Variants in BMPR1B observed in about 807,000 individuals in gnomAD.
The protein encoded by BMPR1B is bone morphogenetic protein receptor type 1B.
Under a neutral mutation model 59.1 loss-of-function variants are expected in BMPR1B, and 12 were observed. The observed-to-expected ratio is 0.20, with a 90% CI of 0.13 to 0.33. The LOEUF is 0.33. BMPR1B is among the 10% of genes least tolerant of loss of function. The pLI is 1.00. For missense variants in BMPR1B, 550 were observed against 610.9 expected (o/e 0.90, Z 1.05); for synonymous variants, 237 against 207.3 (o/e 1.14, Z -1.23).
chr4:94,951,484 C>T (rs563799497), intron 2 of BMPR1B, among the ~76,000 whole-genome samples: 5 of 152,000 alleles, frequency 3.3e-5, no homozygotes, highest in South Asian at 2.1e-4. Flanking sequence ...TAGCATGAAG[C>T]GCTGTTGAAT....
At chr4:94,958,934 T>C (rs1020694654) in intron 2 of BMPR1B, among the ~76,000 whole-genome samples, 1 of 152,102 alleles carries the variant, frequency 6.6e-6, no homozygotes, top group Non-Finnish European at 1.5e-5. Context: ...TCAGGAGTTA[T>C]AAACAATGAT....
intron 6 of BMPR1B, among the ~76,000 whole-genome samples, chr4:95,121,303 A>G (rs753864999): frequency 6.6e-6 from 1 of 152,214 alleles, no homozygotes; most frequent in Non-Finnish European, 1.5e-5. Context: ...AAAACATCCT[A>G]TGCTCATGGA....
intron 1 of BMPR1B, among the ~76,000 whole-genome samples, chr4:94,759,826 A>G (rs1721690217): frequency 6.6e-6 from 1 of 152,232 alleles, no homozygotes; most frequent in Non-Finnish European, 1.5e-5. Context: ...GTGCAATGCA[A>G]AAAAGTTTGT....
chr4:94,975,694 T>C (rs1163021390), intron 2 of BMPR1B, among the ~76,000 whole-genome samples: 3 of 152,174 alleles, frequency 2.0e-5, no homozygotes, highest in African/African-American at 7.2e-5. Flanking sequence ...ATCATGGTAT[T>C]AAAAAGAAGA....
rs558356791 is a variant in BMPR1B at position 95,140,249 on chromosome 4, C to T, written c.1077-8499C>T. Among the ~76,000 whole-genome samples, 15 of 152,244 alleles carry T rather than the reference C, an allele frequency of 9.9e-5. No homozygotes were observed. The South Asian group carries it at 3.1e-3, about 32-fold the overall frequency. ...TCAGATTTGCGTTTCTAGTGCCTTT[C>T]CCTGGTGCTCATTACTTAACTTTTA... is the stretch of plus-strand genomic sequence containing the variant. On this transcript the variant is annotated intron_variant, in intron 10 of 12. Coordinates refer to ENST00000515059, the MANE Select transcript of BMPR1B (RefSeq NM_001203.3).
chr4:94,922,119 T>A (rs1280199513), intron 2 of BMPR1B, among the ~76,000 whole-genome samples: 1 of 152,078 alleles, frequency 6.6e-6, no homozygotes, highest in East Asian at 1.9e-4. Context: ...ATTACAGGCA[T>A]GCAGCCCCAT....
intron 1 of BMPR1B, among the ~76,000 whole-genome samples, chr4:94,762,867 T>G (rs978161923): frequency 6.6e-5 from 10 of 151,948 alleles, no homozygotes; most frequent in African/African-American, 2.2e-4. Flanking sequence ...TGTTTTTTTT[T>G]TTTTGCGGGG....
At chr4:95,016,508 G>C (rs908858286) in intron 3 of BMPR1B, among the ~76,000 whole-genome samples, 9 of 152,126 alleles carry the variant, frequency 5.9e-5, no homozygotes, top group African/African-American at 2.2e-4. Context: ...TTGAATTTGG[G>C]AGTAGTATTA....
chr4:94,828,032 G>A (rs186342002), intron 1 of BMPR1B, among the ~76,000 whole-genome samples: 97 of 152,254 alleles, frequency 6.4e-4, no homozygotes, highest in African/African-American at 2.1e-3. Context: ...ATAAGGTCAC[G>A]TGTGAGAAAA....
chr4:95,144,492 A>ATTT (rs1734495117), intron 10 of BMPR1B, among the ~76,000 whole-genome samples: 3 of 150,720 alleles, frequency 2.0e-5, no homozygotes, highest in African/African-American at 7.4e-5. Context: ...TTTTTTTTTA[A>ATTT]AAAAAATACT....
intron 3 of BMPR1B, among the ~76,000 whole-genome samples, chr4:95,014,059 C>CT (rs963353698): frequency 4.6e-5 from 7 of 152,222 alleles, no homozygotes; most frequent in African/African-American, 1.7e-4. Context: ...GTCAGGGAGT[C>CT]TGTTTTGTTT....
At chr4:94,937,227 G>T (rs1262085176) in intron 2 of BMPR1B, among the ~76,000 whole-genome samples, 3 of 151,988 alleles carry the variant, frequency 2.0e-5, no homozygotes, top group African/African-American at 7.3e-5. Flanking sequence ...TCTTGATTGG[G>T]AATTTTTTAT....
intron 2 of BMPR1B, among the ~76,000 whole-genome samples, chr4:94,962,058 TTTTC>T (rs1730375260): frequency 6.8e-6 from 1 of 146,148 alleles, no homozygotes; most frequent in East Asian, 2.0e-4. Flanking sequence ...TCTTTCTTTC[TTTTC>T]TTTCTTTTCT....
intron 2 of BMPR1B, among the ~76,000 whole-genome samples, chr4:94,990,703 G>GTTGTTT (rs1560583362): frequency 1.3e-5 from 2 of 151,774 alleles, no homozygotes; most frequent in African/African-American, 4.9e-5. Flanking sequence ...TGTTGTTGTT[G>GTTGTTT]TTTTTTATAC....
At chr4:95,099,745 T>C (rs1730689812) in intron 3 of BMPR1B, among the ~76,000 whole-genome samples, 1 of 152,214 alleles carries the variant, frequency 6.6e-6, no homozygotes, top group Admixed American at 6.5e-5. Context: ...TTTCGTTGTT[T>C]TGGCATTTTC....
Position 94,908,061 on chromosome 4 carries a change from TAAAA to T in BMPR1B, c.-113+32187_-113+32190del, listed in dbSNP as rs571793477. 3.5e-3 allele frequency among the ~76,000 whole-genome samples: 162 copies of T among 46,252 alleles called. 2 individuals carry two copies. The highest frequency in any genetic ancestry group is 0.011 in the African/African-American group (145 of 13,802). The allele number at this position is 46,252 out of a possible 152,430, so 30.3% of individuals were successfully genotyped here. A position where few individuals can be genotyped will look rare whatever the true frequency, so the allele number is the denominator to read the frequency against. On this transcript the variant is annotated intron_variant, in intron 2 of 12. Transcript: ENST00000515059. ...GGGCAATGCAGTGAGACCCTGTCTT[TAAAA>T]AAAAAAAAAAAAAAAAAAAAAAAAA...
intron 1 of BMPR1B, among the ~76,000 whole-genome samples, chr4:94,840,345 C>A (rs1303924736): frequency 4.0e-5 from 6 of 149,052 alleles, no homozygotes; most frequent in Middle Eastern, 3.4e-3. Flanking sequence ...TAGATAATAT[C>A]CTGCAGAGTG....
intron 2 of BMPR1B, among the ~76,000 whole-genome samples, chr4:94,962,068 TTTCTTTCCTTCCTTCCTTCCTTCC>T (rs1237134008): frequency 3.2e-5 from 4 of 126,876 alleles, no homozygotes; most frequent in African/African-American, 1.5e-4. Flanking sequence ...TTTTCTTTCT[TTTCTTTCCTTCCTTCCTTCCTTCC>T]TTCCTTCCTT....
At chr4:94,892,855 A>G (rs772069883) in intron 2 of BMPR1B, among the ~76,000 whole-genome samples, 8 of 152,050 alleles carry the variant, frequency 5.3e-5, no homozygotes, top group South Asian at 4.1e-4. Context: ...CATTTTGTCA[A>G]TGGTATGTGA....
Sources: allele counts gnomAD v4.1 joint callset (sites outside exome capture counted in the v4.1 genomes callset), GRCh38; gene constraint gnomAD v4.1.1; transcripts MANE v1.5; gene names NCBI Gene and HGNC (gene_info 2026-07-23, HGNC 2026-07-21).